The following GPC6 variants were observed in gnomAD, a reference collection of about 807,000 sequenced individuals.
The protein encoded by GPC6 is glypican 6.
A neutral mutation model predicts 55.2 loss-of-function variants in GPC6; 14 were observed. That is an observed-to-expected ratio of 0.25 (90% CI 0.17 to 0.40). The LOEUF is 0.40. Ranked by LOEUF, GPC6 falls within the 10% of genes least tolerant of loss-of-function variation. The pLI is 1.00. For synonymous variants in GPC6, 278 were observed against 259.6 expected, an observed-to-expected ratio of 1.07 and a Z score of -0.68; for missense variants, 641 against 708.5, an observed-to-expected ratio of 0.90 and a Z score of 1.08.
intron 1 of GPC6, among the ~76,000 whole-genome samples, chr13:93,320,322 C>A (rs1285955568): frequency 6.6e-6 from 1 of 151,872 alleles, no homozygotes; most frequent in African/African-American, 2.4e-5. Context: ...CAAGTATATT[C>A]TTTTAACTAC....
chr13:94,014,120 T>A (rs1026054082), intron 3 of GPC6, among the ~76,000 whole-genome samples: 2 of 152,192 alleles, frequency 1.3e-5, no homozygotes, highest in Non-Finnish European at 2.9e-5. Context: ...TCTCTCTCAA[T>A]GGTACAAGAT....
At chr13:94,343,180 G>T (rs187649519) in intron 6 of GPC6, among the ~76,000 whole-genome samples, 1 of 152,220 alleles carries the variant, frequency 6.6e-6, no homozygotes, top group East Asian at 1.9e-4. Flanking sequence ...GGTCATTTTG[G>T]TTTTTATTGA....
Position 93,339,895 on chromosome 13 carries a change from G to A in GPC6, c.160+112279G>A, listed in dbSNP as rs373575847. On this transcript the variant is annotated intron_variant, in intron 1 of 8. Coordinates refer to ENST00000377047, the MANE Select transcript of GPC6 (RefSeq NM_005708.5). ...AATCTAAATGGATAAATGAGTCATC[G>A]TATTAAAATACCTGTGGGAAAACTA... Among the ~76,000 whole-genome samples the A allele has an allele frequency of 1.2e-4, 19 of 152,104 alleles. No individual in the cohort carries two copies. In the East Asian group the frequency reaches 1.4e-3, roughly 11 times the overall value.
intron 1 of GPC6, among the ~76,000 whole-genome samples, chr13:93,382,695 T>C (rs1875230800): frequency 6.6e-6 from 1 of 152,216 alleles, no homozygotes; most frequent in African/African-American, 2.4e-5. Flanking sequence ...ATTGACATTA[T>C]GCCATTACTT....
At chr13:93,787,023 C>G (rs1405729156) in intron 2 of GPC6, among the ~76,000 whole-genome samples, 1 of 152,144 alleles carries the variant, frequency 6.6e-6, no homozygotes, top group Non-Finnish European at 1.5e-5. Flanking sequence ...AAGGTACTTT[C>G]AAGTCTGAAA....
At chr13:93,363,962 A>G (rs28671750) in intron 1 of GPC6, among the ~76,000 whole-genome samples, 90 of 151,762 alleles carry the variant, frequency 5.9e-4, no homozygotes, top group Non-Finnish European at 7.8e-4. Flanking sequence ...CATGTCCTTC[A>G]CCCACTTTTT....
At chr13:93,360,821 A>G (rs558734891) in intron 1 of GPC6, among the ~76,000 whole-genome samples, 4 of 152,076 alleles carry the variant, frequency 2.6e-5, no homozygotes, top group African/African-American at 9.7e-5. Context: ...AGTTATTTCT[A>G]TCCTTCTTCC....
intron 4 of GPC6, chr13:94,154,332 T>C (rs1430567142): frequency 2.0e-5 from 3 of 152,198 alleles, no homozygotes; most frequent in Non-Finnish European, 4.4e-5. Flanking sequence ...AAAATATGCC[T>C]TTTAAAATCG....
chr13:93,723,101 A>T (rs1440046005), intron 2 of GPC6, among the ~76,000 whole-genome samples: 1 of 152,004 alleles, frequency 6.6e-6, no homozygotes, highest in African/African-American at 2.4e-5. Flanking sequence ...ATTTAGCTCA[A>T]TGGCAATAAT....
chr13:93,386,621 GTCA>G (rs754422375), intron 1 of GPC6, among the ~76,000 whole-genome samples: 48 of 152,286 alleles, frequency 3.2e-4, no homozygotes, highest in Non-Finnish European at 3.7e-4. Flanking sequence ...GCTGGTAGAA[GTCA>G]TCATAACACA....
intron 2 of GPC6, among the ~76,000 whole-genome samples, chr13:93,574,228 G>A (rs1182956157): frequency 3.3e-5 from 5 of 152,110 alleles, no homozygotes; most frequent in Non-Finnish European, 7.4e-5. Flanking sequence ...TATTGCAGAT[G>A]TAATTAGTTA....
chr13:93,303,937 C>T (rs959986024), intron 1 of GPC6, among the ~76,000 whole-genome samples: 2 of 145,832 alleles, frequency 1.4e-5, no homozygotes, highest in African/African-American at 2.6e-5. Flanking sequence ...GGCACAATCT[C>T]GGCTCACTGC....
At chr13:93,280,877 G>C (rs969300772) in intron 1 of GPC6, among the ~76,000 whole-genome samples, 1 of 152,166 alleles carries the variant, frequency 6.6e-6, no homozygotes, top group African/African-American at 2.4e-5. Context: ...TGCATGCCCG[G>C]TTCACAACAG....
At chr13:94,397,490 T>G (rs766705567) in intron 7 of GPC6, among the ~76,000 whole-genome samples, 2 of 152,200 alleles carry the variant, frequency 1.3e-5, no homozygotes, top group Non-Finnish European at 2.9e-5. Context: ...CATTGGTAAA[T>G]CTACCTAATC....
chr13:94,281,274 G>T (rs1487674230), intron 4 of GPC6, among the ~76,000 whole-genome samples: 1 of 152,064 alleles, frequency 6.6e-6, no homozygotes, highest in Non-Finnish European at 1.5e-5. Context: ...GTGGTTTGCT[G>T]CACCTGTCAA....
At chr13:93,256,815 A>C (rs1484926607) in intron 1 of GPC6, among the ~76,000 whole-genome samples, 1 of 152,220 alleles carries the variant, frequency 6.6e-6, no homozygotes, top group African/African-American at 2.4e-5. Flanking sequence ...AGGAGAATAC[A>C]AAGTATGAGG....
intron 1 of GPC6, among the ~76,000 whole-genome samples, chr13:93,517,555 A>G (rs1017404138): frequency 8.5e-5 from 13 of 152,050 alleles, no homozygotes; most frequent in Admixed American, 2.6e-4. Flanking sequence ...TGCTCTTTGC[A>G]TTTTTATGTT....
At chr13:93,571,763 G>T (rs866727938) in intron 2 of GPC6, among the ~76,000 whole-genome samples, 9 of 152,048 alleles carry the variant, frequency 5.9e-5, no homozygotes, top group African/African-American at 9.7e-5. Flanking sequence ...CACTGCCTTT[G>T]CTTATATAGG....
upstream of GPC6, among the ~76,000 whole-genome samples, chr13:93,225,815 C>T (rs192339900): frequency 1.7e-4 from 26 of 152,314 alleles, no homozygotes; most frequent in Admixed American, 1.3e-3. Context: ...CAAAACTGTG[C>T]ATTACCTTGT....
Sources: allele counts gnomAD v4.1 joint callset (sites outside exome capture counted in the v4.1 genomes callset), GRCh38; gene constraint gnomAD v4.1.1; transcripts MANE v1.5; gene names NCBI Gene and HGNC (gene_info 2026-07-23, HGNC 2026-07-21).